TCTN3: variants seen among roughly 807,000 people sequenced by gnomAD.
TCTN3 encodes the protein tectonic family member 3.
Under a neutral mutation model 71.3 loss-of-function variants are expected in TCTN3, and 57 were observed. The observed-to-expected ratio is 0.80, with a 90% CI of 0.65 to 1.00. The LOEUF is 1.00. TCTN3 is among the 50% of genes least tolerant of loss of function. The pLI is 0.00. For missense variants in TCTN3, 696 were observed against 719.9 expected, an observed-to-expected ratio of 0.97 and a Z score of 0.38; for synonymous variants, 258 against 267.8, an observed-to-expected ratio of 0.96 and a Z score of 0.36.
chr10:95,683,299 A>G (rs1361974521), intron 10 of TCTN3, 104 bp from the exon 11 acceptor site: 6 of 1,505,334 alleles, frequency 4.0e-6, no homozygotes, highest in Non-Finnish European at 5.4e-6. Flanking sequence ...TTTATTTTGT[A>G]TTACTATCAT....
chr10:95,682,463 G>C (rs552436742), intron 12 of TCTN3, among the ~76,000 whole-genome samples, 188 bp downstream of exon 12: 6 of 151,474 alleles, frequency 4.0e-5, no homozygotes, highest in Admixed American at 1.3e-4. Context: ...CACCACACTC[G>C]AGCCAGGGCA....
chr10:95,683,445 A>G (rs918014892), intron 10 of TCTN3, 77 bp downstream of exon 10: 12 of 1,611,676 alleles, frequency 7.4e-6, no homozygotes, highest in Non-Finnish European at 1.0e-5. Flanking sequence ...ACCTTTGGCT[A>G]GTCTAACATA....
chr10:95,663,861 G>A lies in TCTN3; in HGVS notation c.*206C>T. On this transcript the variant is annotated 3_prime_UTR_variant, in exon 14 of 14. Transcript: ENST00000371217. ...TCATGTGTATCTGGTGGCCTGCAGA[G>A]CCCAAAGCAGAGAGCTATGATGAAT... 1.9e-6 allele frequency: 1 copy of A among 514,618 alleles called. No homozygotes were observed. Among genetic ancestry groups the A allele is most frequent in the Non-Finnish European group, 3.5e-6 (1 of 286,698 alleles). The allele number at this position is 514,618 out of a possible 1,614,324, so 31.9% of individuals were successfully genotyped here.
intron 13 of TCTN3, among the ~76,000 whole-genome samples, chr10:95,675,953 G>C (rs1461576325): frequency 6.6e-6 from 1 of 152,126 alleles, no homozygotes; most frequent in Non-Finnish European, 1.5e-5. Context: ...CATTCTTCTA[G>C]TAAGTCAATA....
intron 12 of TCTN3, among the ~76,000 whole-genome samples, chr10:95,682,294 A>G (rs1424298433): frequency 1.3e-5 from 2 of 152,068 alleles, no homozygotes; most frequent in African/African-American, 4.8e-5. Flanking sequence ...GTTCAAGACC[A>G]GCCTGGTCAA....
intron 13 of TCTN3, among the ~76,000 whole-genome samples, chr10:95,670,061 CAAAAAAAAAAA>C (rs34609339): frequency 2.5e-5 from 2 of 81,086 alleles, no homozygotes; most frequent in Non-Finnish European, 4.6e-5. Flanking sequence ...GACTCCGTCT[CAAAAAAAAAAA>C]AAAAAAAAAA....
chr10:95,685,464 T>C (rs1037547048), intron 8 of TCTN3, 92 bp downstream of exon 8: 35 of 969,894 alleles, frequency 3.6e-5, no homozygotes, highest in East Asian at 1.1e-4. Context: ...CAAAATTCAG[T>C]TGGGTCAGTC....
intron 9 of TCTN3, 24 bp from the exon 10 acceptor site, chr10:95,683,653 C>A: frequency 6.3e-7 from 1 of 1,591,486 alleles, no homozygotes; most frequent in South Asian, 1.1e-5. Flanking sequence ...GAAGAGAAGT[C>A]AATTATGGAG....
intron 7 of TCTN3, 81 bp downstream of exon 7, chr10:95,686,414 G>T: frequency 1.4e-6 from 2 of 1,424,044 alleles, no homozygotes; most frequent in Non-Finnish European, 2.0e-6. Flanking sequence ...TCTTTCAACA[G>T]TACAACTTAG....
At position 95,693,404 on chromosome 10, in the gene TCTN3, T is replaced by C. The variant is rs540170964; in HGVS notation, c.329A>G (p.Tyr110Cys). 28 of 1,551,944 alleles carry C rather than the reference T, an allele frequency of 1.8e-5. 1 individual carries two copies. The East Asian group carries it at 3.2e-4, about 18-fold the overall frequency. ...DINCCCDRDC[Y>C]LLHPRTVFSF... is the part of the protein sequence containing the mutation. The stretch of plus-strand genomic sequence containing the variant: ...GAAAACTGTCCTCGGATGGAGAAGA[T>C]AGCAGTCCCTGTCGCAGCAGCAATT... The change falls in exon 2 of 14, where the codon TAT (tyrosine) becomes TGT (cysteine). Residue 110 changes from tyrosine (Y) to cysteine (C), a missense_variant. Transcript: ENST00000371217.
In TCTN3 at chr10:95,693,760, A is replaced by G. The variant is rs1055908162; in HGVS notation, c.140T>C (p.Leu47Pro). The change falls in exon 1 of 14, where the codon CTC becomes CCC. Residue 47 changes from leucine (L) to proline (P), a missense_variant. Physicochemically the swap from Leu to Pro is moderately conservative, Grantham distance 98. Transcript: ENST00000371217. The part of the protein sequence containing the change: ...ELQRGTDGGT[L>P]QSPSEATATR... ...TGCAGTCGCCTCTGAAGGGGACTGGAGGGTTCCGCCATCCGTCCCTCGCTG... is the reference window on the plus strand; with the variant it reads ...TGCAGTCGCCTCTGAAGGGGACTGGGGGGTTCCGCCATCCGTCCCTCGCTG... 4 of 1,551,486 alleles carry G rather than the reference A, an allele frequency of 2.6e-6. No homozygotes were observed. Among genetic ancestry groups the G allele is most frequent in the Non-Finnish European group, 3.5e-6 (4 of 1,146,982 alleles).
At chr10:95,670,441 C>A (rs758229491) in intron 13 of TCTN3, among the ~76,000 whole-genome samples, 9 of 152,106 alleles carry the variant, frequency 5.9e-5, no homozygotes, top group Non-Finnish European at 1.3e-4. Flanking sequence ...TCACTGCAGC[C>A]TTGACCTCTT....
In TCTN3 at chr10:95,687,320, C is replaced by A; in HGVS notation, c.663G>T (p.Trp221Cys). The A allele has an allele frequency of 6.2e-7, 1 of 1,614,050 alleles. No individual in the cohort carries two copies. The highest frequency in any genetic ancestry group is 8.5e-7 in the Non-Finnish European group (1 of 1,179,994). Residue 221 changes from tryptophan to cysteine, a missense_variant, in exon 5 of 14, where the codon TGG (tryptophan) becomes TGT (cysteine). Trp to Cys is a radical substitution (Grantham distance 215). Transcript: ENST00000371217. ...GTTGTCTCAGCAAGCTTATTACAGA[C>A]CACTTGGGGAAGTAAGTAAGAATGG... ...GDPILTYFPK[W>C]SVISLLRQPA...
intron 3 of TCTN3, among the ~76,000 whole-genome samples, chr10:95,692,432 G>T (rs551096241): frequency 6.6e-6 from 1 of 152,120 alleles, no homozygotes; most frequent in Non-Finnish European, 1.5e-5. Context: ...CTTTAATCCG[G>T]GAGGTGGAGG....
At chr10:95,672,280 A>G (rs2097932426) in intron 13 of TCTN3, among the ~76,000 whole-genome samples, 1 of 146,544 alleles carries the variant, frequency 6.8e-6, no homozygotes, top group Admixed American at 7.1e-5. Context: ...TTGTGCGAAT[A>G]TATCATAATT....
chr10:95,686,946 A>T, intron 6 of TCTN3, 98 bp downstream of exon 6: 1 of 1,073,284 alleles, frequency 9.3e-7, no homozygotes, highest in Non-Finnish European at 1.4e-6. Context: ...GGGGATTCTG[A>T]CTTTTATTCA....
Position 95,663,943 on chromosome 10 carries a change from GTTAGGTCCTCTATTATCCTAA to G in TCTN3, c.*103_*123del. 2 of 737,946 alleles carry G rather than the reference GTTAGGTCCTCTATTATCCTAA, an allele frequency of 2.7e-6. No homozygotes were observed. Among genetic ancestry groups the G allele is most frequent in the Non-Finnish European group, 4.7e-6 (2 of 429,800 alleles). The allele number at this position is 737,946 out of a possible 1,614,324, so 45.7% of individuals were successfully genotyped here. A position where few individuals can be genotyped will look rare whatever the true frequency, so the allele number is the denominator to read the frequency against. ...CCTTTCATATACAAGGATTCCTTCAGTTAGGTCCTCTATTATCCTAAATGCTCTCTGGTCATGAGCAGGTGA... is the reference window on the plus strand; with the variant it reads ...CCTTTCATATACAAGGATTCCTTCAGATGCTCTCTGGTCATGAGCAGGTGA... On this transcript the variant is annotated 3_prime_UTR_variant, in exon 14 of 14. Coordinates refer to ENST00000371217, the MANE Select transcript of TCTN3 (RefSeq NM_015631.6).
intron 13 of TCTN3, among the ~76,000 whole-genome samples, chr10:95,670,036 CCTGGGCGACAGCGAGACTCCGT>C (rs1304066502): frequency 3.7e-5 from 5 of 134,128 alleles, no homozygotes; most frequent in African/African-American, 1.4e-4. Flanking sequence ...TGCACTCCAG[CCTGGGCGACAGCGAGACTCCGT>C]CTCAAAAAAA....
chr10:95,691,979 C>T (rs2097953916), intron 3 of TCTN3, among the ~76,000 whole-genome samples: 2 of 152,140 alleles, frequency 1.3e-5, no homozygotes, highest in Admixed American at 1.3e-4. Flanking sequence ...TACACTGTTG[C>T]CTCATGAAAT....
Sources: gnomAD v4.1 joint callset for allele counts (sites outside exome capture counted in the v4.1 genomes callset) on GRCh38, gnomAD v4.1.1 for gene constraint, MANE v1.5 for transcripts, NCBI Gene and HGNC (gene_info 2026-07-23, HGNC 2026-07-21) for gene names.